Variants in PRKN observed in about 807,000 individuals in gnomAD.
The protein encoded by PRKN is E3 ubiquitin-protein ligase parkin.
A neutral mutation model predicts 59.5 loss-of-function variants in PRKN; 56 were observed. The observed-to-expected ratio is 0.94, with a 90% confidence interval of 0.76 to 1.18. PRKN has a LOEUF of 1.18. Among genes scored for constraint, PRKN ranks in the 50% most tolerant of loss-of-function variants. PRKN has a pLI of 0.00. For synonymous variants in PRKN, 250 were observed against 222.1 expected (o/e 1.13, Z -1.12); for missense variants, 657 against 596.4 (o/e 1.10, Z -1.06).
chr6:161,832,375 C>T (rs1792537313), intron 6 of PRKN, among the ~76,000 whole-genome samples: 1 of 152,004 alleles, frequency 6.6e-6, no homozygotes, highest in South Asian at 2.1e-4. Flanking sequence ...CCTGTAATCT[C>T]AGCACTTTGG....
intron 2 of PRKN, among the ~76,000 whole-genome samples, chr6:162,386,104 G>A (rs1458415741): frequency 6.6e-6 from 1 of 152,078 alleles, no homozygotes; most frequent in Non-Finnish European, 1.5e-5. Context: ...ATCTCCTAGT[G>A]ACTCAATCAT....
intron 7 of PRKN, among the ~76,000 whole-genome samples, chr6:161,597,976 G>T (rs1179884341): frequency 6.6e-6 from 1 of 152,126 alleles, no homozygotes; most frequent in Non-Finnish European, 1.5e-5. Flanking sequence ...AGGGGAGAAG[G>T]TCCTATGGTT....
In PRKN at chr6:161,401,972, T is replaced by A. The variant is rs1787071575; in HGVS notation, c.1084-15095A>T. On this transcript the variant is annotated intron_variant, in intron 9 of 11. Coordinates refer to ENST00000366898, the MANE Select transcript of PRKN (RefSeq NM_004562.3). The surrounding 1 kb of genome is among the most constrained non-coding windows in gnomAD (Gnocchi z 4.4). Reference sequence around the variant, plus strand: ...ATTCTTAAGGCCTCTTAAAGAAGGTTCCCAGCTTGGGGCTGGGTAATAATG... The same window carrying A: ...ATTCTTAAGGCCTCTTAAAGAAGGTACCCAGCTTGGGGCTGGGTAATAATG... Among the ~76,000 whole-genome samples, 1 of 152,200 alleles carries A rather than the reference T, an allele frequency of 6.6e-6. No individual in the cohort carries two copies. Among genetic ancestry groups the A allele is most frequent in the Non-Finnish European group, 1.5e-5 (1 of 68,022 alleles).
rs1554267941 is a variant in PRKN, at chr6:161,499,132, A to ACATTTT, written c.1083+49721_1083+49722insAAAATG. ...AGGGTCTGGACACACACACACACAC[A>ACATTTT]TTTTTTTTTTTTTTTTGGCTCACAG... On this transcript the variant is annotated intron_variant, in intron 9 of 11. Transcript: ENST00000366898. This position sits in a 1 kb window ranked among gnomAD's most constrained non-coding sequence, Gnocchi z 4.2. 3.7e-5 allele frequency among the ~76,000 whole-genome samples: 5 copies of ACATTTT among 136,564 alleles called. No individual in the cohort carries two copies. The highest frequency in any genetic ancestry group is 4.7e-5 in the Non-Finnish European group (3 of 63,808). The allele number at this position is 136,564 out of a possible 152,430, so 89.6% of individuals were successfully genotyped here. A position where few individuals can be genotyped will look rare whatever the true frequency, so the allele number is the denominator to read the frequency against.
rs960128352 is a variant in PRKN at position 161,939,781 on chromosome 6, G to C, written c.734+33521C>G. 2.6e-5 allele frequency among the ~76,000 whole-genome samples: 4 copies of C among 152,018 alleles called. No individual in the cohort carries two copies. In the South Asian group the frequency reaches 8.3e-4, roughly 32 times the overall value. On this transcript the variant is annotated intron_variant, in intron 6 of 11. Coordinates refer to ENST00000366898, the MANE Select transcript of PRKN (RefSeq NM_004562.3). ...GCAGATGTTAAAAACAATTTCAAAA[G>C]AAATGGGAAATTTTAACATGGTTTA...
chr6:162,394,971 T>C (rs1013093465), intron 2 of PRKN, among the ~76,000 whole-genome samples: 5 of 152,222 alleles, frequency 3.3e-5, no homozygotes, highest in Admixed American at 6.5e-5. Context: ...GGTTGTCTTA[T>C]TATTTGCCTT....
At chr6:161,685,044 T>G (rs2128173550) in intron 7 of PRKN, among the ~76,000 whole-genome samples, 1 of 152,318 alleles carries the variant, frequency 6.6e-6, no homozygotes, top group Middle Eastern at 3.4e-3. Flanking sequence ...GAAAAACTCT[T>G]TTTTTTCCTA....
chr6:162,264,466 G>C (rs544394656), intron 2 of PRKN, among the ~76,000 whole-genome samples: 40 of 149,378 alleles, frequency 2.7e-4, no homozygotes, highest in African/African-American at 8.8e-4. Context: ...AATGTCCCTC[G>C]AACAGTGGTG....
chr6:162,006,294 A>C (rs891694932), intron 5 of PRKN, among the ~76,000 whole-genome samples: 1 of 152,128 alleles, frequency 6.6e-6, no homozygotes, highest in African/African-American at 2.4e-5. Flanking sequence ...TGAATGGAAA[A>C]ATTCTCACAC....
intron 3 of PRKN, among the ~76,000 whole-genome samples, chr6:162,223,999 G>A (rs2128082428): frequency 6.6e-6 from 1 of 152,190 alleles, no homozygotes; most frequent in African/African-American, 2.4e-5. Context: ...TCTGAAATTA[G>A]TCACTCAAGC....
intron 3 of PRKN, among the ~76,000 whole-genome samples, chr6:162,254,190 C>A (rs1405346604): frequency 6.6e-6 from 1 of 151,928 alleles, no homozygotes. Context: ...CTGGGCATGG[C>A]GGCTCACATC....
intron 4 of PRKN, among the ~76,000 whole-genome samples, chr6:162,073,044 A>C (rs1778648224): frequency 6.6e-6 from 1 of 152,296 alleles, no homozygotes; most frequent in South Asian, 2.1e-4. Flanking sequence ...CTTATCTGTA[A>C]AGTGTGGGTA....
rs1562387392 is a variant in PRKN at position 161,350,971 on chromosome 6, ATAAATATATTTTATATATTTATATTT to A, written c.1286-786_1286-761del. ...TTATATATTTATATTTAAAATATAT[ATAAATATATTTTATATATTTATATTT>A]AAAATATATATAAATATATTTTATA... On this transcript the variant is annotated intron_variant, in intron 11 of 11. Coordinates refer to ENST00000366898, the MANE Select transcript of PRKN (RefSeq NM_004562.3). Among the ~76,000 whole-genome samples the A allele has an allele frequency of 2.1e-3, 99 of 46,674 alleles. 5 individuals carry two copies. Among genetic ancestry groups the A allele is most frequent in the African/African-American group, 8.7e-3 (92 of 10,630 alleles). The allele number at this position is 46,674 out of a possible 152,430, so 30.6% of individuals were successfully genotyped here.
intron 1 of PRKN, among the ~76,000 whole-genome samples, chr6:162,678,302 C>T (rs1441418938): frequency 6.6e-6 from 1 of 152,126 alleles, no homozygotes; most frequent in African/African-American, 2.4e-5. Context: ...GTTTTCATTT[C>T]TTTGGGGTAA....
intron 10 of PRKN, among the ~76,000 whole-genome samples, chr6:161,364,168 C>CAAAA (rs71004043): frequency 1.3e-5 from 1 of 74,436 alleles, no homozygotes; most frequent in African/African-American, 4.3e-5. Context: ...GACTCCGTCT[C>CAAAA]AAAAAAAAAA....
At chr6:161,699,974 G>T (rs1435668576) in intron 7 of PRKN, among the ~76,000 whole-genome samples, 9 of 151,982 alleles carry the variant, frequency 5.9e-5, no homozygotes, top group African/African-American at 2.2e-4. Context: ...ACTATTAGTG[G>T]CCTGCAGGGT....
chr6:162,440,015 T>C (rs1271139500), intron 2 of PRKN, among the ~76,000 whole-genome samples: 12 of 152,156 alleles, frequency 7.9e-5, no homozygotes, highest in Non-Finnish European at 1.3e-4. Context: ...ATGCAATGTC[T>C]AGGCTTTTTA....
At chr6:162,597,403 G>C (rs987540141) in intron 1 of PRKN, among the ~76,000 whole-genome samples, 1 of 152,092 alleles carries the variant, frequency 6.6e-6, no homozygotes, top group Admixed American at 6.6e-5. Context: ...CATTGAAAAT[G>C]GCATAACTGT....
intron 4 of PRKN, among the ~76,000 whole-genome samples, chr6:162,105,695 C>T (rs1400301808): frequency 1.3e-5 from 2 of 152,156 alleles, no homozygotes; most frequent in Non-Finnish European, 2.9e-5. Context: ...CCACTGCACC[C>T]GGCCCAGATA....
Sources: allele counts gnomAD v4.1 joint callset (sites outside exome capture counted in the v4.1 genomes callset), GRCh38; gene constraint gnomAD v4.1.1; non-coding constraint Gnocchi (gnomAD v3.1); transcripts MANE v1.5; gene names NCBI Gene and HGNC (gene_info 2026-07-23, HGNC 2026-07-21).